The following RIT2 variants were observed in gnomAD, a reference collection of about 807,000 sequenced individuals.
The protein encoded by RIT2 is GTP-binding protein Rit2.
RIT2 carries 24 observed loss-of-function variants against 23.7 expected under a neutral mutation model. The ratio of observed to expected loss-of-function variants is 1.01; its 90% confidence interval spans 0.73 to 1.43. The LOEUF (loss-of-function observed/expected upper bound fraction) is 1.43, where lower values mean the gene tolerates loss of function less well. Ranked by LOEUF, RIT2 falls within the 40% of genes most tolerant of loss-of-function variation. The pLI, the probability that RIT2 is intolerant of heterozygous loss-of-function variation, is 0.00. For synonymous variants in RIT2, 107 were observed against 91.1 expected (o/e 1.17, Z -0.99); for missense variants, 236 against 266.9 (o/e 0.88, Z 0.81).
chr18:43,017,712 T>C (rs529666574), intron 2 of RIT2, among the ~76,000 whole-genome samples: 23 of 152,184 alleles, frequency 1.5e-4, no homozygotes, highest in African/African-American at 4.8e-4. Context: ...AGGAGACTTA[T>C]GTGGTAGGGA....
chr18:42,764,761 G>A (rs1913381768), intron 4 of RIT2, among the ~76,000 whole-genome samples: 2 of 152,296 alleles, frequency 1.3e-5, no homozygotes, highest in South Asian at 2.1e-4. Flanking sequence ...CATCACTAAT[G>A]TTATCCTCTC....
chr18:42,943,126 G>A (rs1909644159), intron 3 of RIT2, among the ~76,000 whole-genome samples: 1 of 151,996 alleles, frequency 6.6e-6, no homozygotes, highest in South Asian at 2.1e-4. Flanking sequence ...TGCCACTGCT[G>A]GCTGGTGTGG....
intron 3 of RIT2, among the ~76,000 whole-genome samples, chr18:42,925,836 T>C (rs1404759390): frequency 6.6e-6 from 1 of 151,680 alleles, no homozygotes; most frequent in Non-Finnish European, 1.5e-5. Flanking sequence ...TATATACCTT[T>C]AATTAAAATG....
intron 4 of RIT2, among the ~76,000 whole-genome samples, chr18:42,862,428 G>A (rs973014538): frequency 2.6e-5 from 4 of 152,108 alleles, no homozygotes; most frequent in Non-Finnish European, 4.4e-5. Context: ...TATAGCATGT[G>A]AAAATAAGCT....
intron 4 of RIT2, among the ~76,000 whole-genome samples, chr18:42,744,767 A>T (rs1275278340): frequency 6.6e-6 from 1 of 152,188 alleles, no homozygotes; most frequent in Admixed American, 6.6e-5. Flanking sequence ...TCATAAAATT[A>T]AAAAATAATA....
At chr18:42,933,494 T>A (rs1258526852) in intron 3 of RIT2, among the ~76,000 whole-genome samples, 1 of 151,882 alleles carries the variant, frequency 6.6e-6, no homozygotes, top group Non-Finnish European at 1.5e-5. Context: ...CTGGTGAGAG[T>A]TAATTGAATC....
intron 3 of RIT2, among the ~76,000 whole-genome samples, chr18:42,924,221 C>T (rs571800666): frequency 6.6e-6 from 1 of 152,180 alleles, no homozygotes; most frequent in East Asian, 1.9e-4. Flanking sequence ...TGCCATACGT[C>T]TGCCAAGGAA....
intron 4 of RIT2, among the ~76,000 whole-genome samples, chr18:42,801,701 C>G (rs966290731): frequency 2.0e-5 from 3 of 152,188 alleles, no homozygotes; most frequent in African/African-American, 4.8e-5. Context: ...ACTCTGGTTT[C>G]TCCCTTGGTT....
chr18:43,035,410 G>A (rs1911951082), intron 1 of RIT2, among the ~76,000 whole-genome samples: 1 of 152,118 alleles, frequency 6.6e-6, no homozygotes, highest in East Asian at 1.9e-4. Context: ...GAAGCATTTG[G>A]AAAATGCTTT....
chr18:43,025,030 A>T (rs1032042182), intron 2 of RIT2, among the ~76,000 whole-genome samples: 8 of 151,994 alleles, frequency 5.3e-5, no homozygotes, highest in Non-Finnish European at 1.2e-4. Flanking sequence ...CAACATGGCG[A>T]AACCTCATCT....
chr18:43,092,731 A>T lies in RIT2; in HGVS notation c.103+22686T>A, dbSNP rs371567561. Among the ~76,000 whole-genome samples the T allele has an allele frequency of 1.1e-4, 16 of 152,158 alleles. No homozygotes were observed. The East Asian group carries it at 1.9e-3, about 18-fold the overall frequency. ...TACGTCAAAACAGTTTCTCAATATC[A>T]AGTAAATGTTGAAAGAATGACAGTG... On this transcript the variant is annotated intron_variant, in intron 1 of 4. Transcript: ENST00000326695.
chr18:42,904,642 C>T (rs1024262946), intron 4 of RIT2, among the ~76,000 whole-genome samples: 10 of 151,798 alleles, frequency 6.6e-5, no homozygotes, highest in East Asian at 3.9e-4. Context: ...ATACAACTCA[C>T]GAAAGGAAAC....
intron 1 of RIT2, among the ~76,000 whole-genome samples, chr18:43,056,724 A>T (rs4362464): frequency 0.27 from 40,381 of 151,988 alleles, 5,468 homozygotes; most frequent in South Asian, 0.32. Flanking sequence ...AGAGATGTAT[A>T]CTAGGCACTG....
chr18:42,976,352 A>T (rs2144207265), intron 2 of RIT2, among the ~76,000 whole-genome samples: 2 of 152,214 alleles, frequency 1.3e-5, no homozygotes, highest in African/African-American at 4.8e-5. Context: ...AGTGTTCCTA[A>T]ATCCTAGAGT....
intron 4 of RIT2, among the ~76,000 whole-genome samples, chr18:42,910,305 T>C (rs1422972673): frequency 6.6e-6 from 1 of 152,140 alleles, no homozygotes; most frequent in Non-Finnish European, 1.5e-5. Context: ...GTGATTTGCA[T>C]AGTGGAATTA....
intron 4 of RIT2, among the ~76,000 whole-genome samples, chr18:42,894,373 A>C (rs1908265605): frequency 6.6e-6 from 1 of 152,240 alleles, no homozygotes; most frequent in African/African-American, 2.4e-5. Context: ...CAGTGAAGAG[A>C]AACTTATCTA....
At chr18:42,905,076 T>C (rs1908575049) in intron 4 of RIT2, among the ~76,000 whole-genome samples, 1 of 152,178 alleles carries the variant, frequency 6.6e-6, no homozygotes, top group African/African-American at 2.4e-5. Flanking sequence ...ACAGTTTAAT[T>C]TCCCTTCAAG....
At chr18:42,817,631 G>A (rs2143987054) in intron 4 of RIT2, among the ~76,000 whole-genome samples, 1 of 152,022 alleles carries the variant, frequency 6.6e-6, no homozygotes, top group Non-Finnish European at 1.5e-5. Context: ...ATCTTTAAAT[G>A]GAGATTGAGA....
At chr18:42,920,029 A>G (rs1472964899) in intron 4 of RIT2, among the ~76,000 whole-genome samples, 1 of 152,034 alleles carries the variant, frequency 6.6e-6, no homozygotes, top group Admixed American at 6.6e-5. Flanking sequence ...TAATTTTGAA[A>G]CCCATTTCCT....
Sources: gnomAD v4.1 joint callset for allele counts (sites outside exome capture counted in the v4.1 genomes callset) on GRCh38, gnomAD v4.1.1 for gene constraint, MANE v1.5 for transcripts, NCBI Gene and HGNC (gene_info 2026-07-23, HGNC 2026-07-21) for gene names.